Variants in TMEM9B observed in about 807,000 individuals in gnomAD.
TMEM9B encodes the protein transmembrane protein 9B.
Under a neutral mutation model 23.5 loss-of-function variants are expected in TMEM9B, and 8 were observed. The ratio of observed to expected loss-of-function variants is 0.34; its 90% confidence interval spans 0.20 to 0.61. TMEM9B has a LOEUF of 0.61. TMEM9B is among the 20% of genes least tolerant of loss of function. The pLI is 0.78. For missense variants in TMEM9B, 197 were observed against 252.3 expected (o/e 0.78, Z 1.49); for synonymous variants, 106 against 96.3 (o/e 1.10, Z -0.59).
chr11:8,952,903 C>A (rs1311164383), intron 4 of TMEM9B: 1 of 559,538 alleles, frequency 1.8e-6, no homozygotes, highest in Non-Finnish European at 3.2e-6. Flanking sequence ...AGAAAACCAT[C>A]TCTGATACTT....
At chr11:8,952,792 A>G in intron 4 of TMEM9B, 1 of 312,438 alleles carries the variant, frequency 3.2e-6, no homozygotes, top group East Asian at 5.9e-5. Context: ...TTAAGAAAAG[A>G]ACATCATGAT....
intron 1 of TMEM9B, chr11:8,963,926 G>A: frequency 4.2e-6 from 2 of 474,622 alleles, no homozygotes; most frequent in Non-Finnish European, 7.5e-6. Context: ...GGGCTGGGAA[G>A]GGAAATGTTA....
intron 1 of TMEM9B, 154 bp downstream of exon 1, chr11:8,964,055 G>A (rs1854135463): frequency 1.4e-6 from 1 of 734,394 alleles, no homozygotes; most frequent in Non-Finnish European, 2.1e-6. Context: ...AGTCGGGAGG[G>A]GCGGGGCTGG....
chr11:8,962,428 A>T (rs1854097366), intron 1 of TMEM9B, among the ~76,000 whole-genome samples: 1 of 152,218 alleles, frequency 6.6e-6, no homozygotes, highest in Non-Finnish European at 1.5e-5. Context: ...AAGACTTATT[A>T]ACCATATTTA....
At chr11:8,952,249 TACACACACACACACACACAC>T (rs142506777) in intron 4 of TMEM9B, among the ~76,000 whole-genome samples, 1 of 122,648 alleles carries the variant, frequency 8.2e-6, no homozygotes, top group Admixed American at 8.2e-5. Flanking sequence ...GCCAACTATA[TACACACACACACACACACAC>T]ACACACACAC....
Position 8,964,280 on chromosome 11 carries a change from C to A in TMEM9B, c.34G>T (p.Gly12Cys), listed in dbSNP as rs987818311. The change falls in exon 1 of 5, where the codon GGC (glycine) becomes TGC (cysteine). Residue 12 changes from glycine (G) to cysteine (C), a missense_variant. Around this residue, in one of 2 missense-constraint regions of TMEM9B, gnomAD observed 56 missense variants for 38.2 expected, o/e 1.46. Transcript: ENST00000534025. ...ATLWGGLLRL[G>C]SLLSLSCLAL... is the part of the protein sequence containing the mutation. ...AGGCACGACAGGCTGAGCAAGGAGC[C>A]AAGCCGAAGAAGGCCTCCCCACAGG... The A allele has an allele frequency of 6.3e-7, 1 of 1,593,672 alleles. No homozygotes were observed. Among genetic ancestry groups the A allele is most frequent in the East Asian group, 2.3e-5 (1 of 43,872 alleles).
At chr11:8,948,522 A>G (rs1292603208) in intron 4 of TMEM9B, 47 bp from the exon 5 acceptor site, 1 of 1,592,868 alleles carries the variant, frequency 6.3e-7, no homozygotes, top group African/African-American at 1.3e-5. Context: ...CAGTCAGTGT[A>G]AAACATAGAC....
upstream of TMEM9B, chr11:8,964,679 G>T (rs944843903): frequency 4.3e-5 from 10 of 232,684 alleles, no homozygotes; most frequent in Admixed American, 1.2e-4. Context: ...TCGCCATTGC[G>T]CTGGAAAGTC....
At chr11:8,953,149 A>G in intron 4 of TMEM9B, 54 bp downstream of exon 4, 2 of 1,612,346 alleles carry the variant, frequency 1.2e-6, no homozygotes, top group Non-Finnish European at 1.7e-6. Context: ...TGCACTTCAC[A>G]TCGAATGATG....
chr11:8,962,612 A>G (rs1172152283), intron 1 of TMEM9B: 1 of 163,026 alleles, frequency 6.1e-6, no homozygotes, highest in African/African-American at 2.4e-5. Flanking sequence ...TCATCCTTTC[A>G]CCCTCTGGTA....
intron 2 of TMEM9B, among the ~76,000 whole-genome samples, chr11:8,958,574 C>CT (rs111765985): frequency 6.9e-4 from 94 of 136,728 alleles, no homozygotes; most frequent in African/African-American, 9.3e-4. Context: ...TTAGGTTATT[C>CT]TTTTTTTTTT....
At chr11:8,958,010 T>G (rs963119417) in intron 2 of TMEM9B, among the ~76,000 whole-genome samples, 1 of 151,094 alleles carries the variant, frequency 6.6e-6, no homozygotes, top group Admixed American at 6.6e-5. Context: ...TACAAAAAAA[T>G]TAGCCAGGCA....
chr11:8,962,343 G>A (rs976719871), intron 1 of TMEM9B, among the ~76,000 whole-genome samples, 160 bp from the exon 2 acceptor site: 3 of 152,092 alleles, frequency 2.0e-5, no homozygotes, highest in Non-Finnish European at 4.4e-5. Context: ...AAAAGCCACA[G>A]TCCTTTATGG....
chr11:8,954,796 T>C (rs1032321714), intron 3 of TMEM9B, among the ~76,000 whole-genome samples: 3 of 152,230 alleles, frequency 2.0e-5, no homozygotes, highest in Admixed American at 6.5e-5. Context: ...GTGACTATTA[T>C]AACTAACCAC....
chr11:8,952,281 C>CTATATATA (rs58750330), intron 4 of TMEM9B, among the ~76,000 whole-genome samples: 7 of 147,454 alleles, frequency 4.7e-5, no homozygotes, highest in Admixed American at 6.7e-5. Flanking sequence ...CACACACACG[C>CTATATATA]TATATATATA....
upstream of TMEM9B, chr11:8,964,475 A>C (rs1854161225): frequency 6.3e-6 from 9 of 1,420,418 alleles, no homozygotes; most frequent in Non-Finnish European, 6.4e-6. Flanking sequence ...GCGCCGGGTC[A>C]GATGCAAAAA....
intron 1 of TMEM9B, among the ~76,000 whole-genome samples, chr11:8,963,511 G>A (rs1854117647): frequency 6.6e-6 from 1 of 152,162 alleles, no homozygotes; most frequent in Non-Finnish European, 1.5e-5. Flanking sequence ...TCAAGAAATC[G>A]AACCAGGGAG....
In TMEM9B at chr11:8,949,872, G is replaced by A. The variant is rs147729496; in HGVS notation, c.442-1397C>T. 9.0e-3 allele frequency among the ~76,000 whole-genome samples: 1,316 copies of A among 146,852 alleles called. 59 individuals are homozygous for A. In the South Asian group the frequency reaches 0.15, roughly 16 times the overall value. ...AGATGGGGTCTCACTATATTGCCCA[G>A]ACTGGCCATGAACTTAATTTTTTTT... On this transcript the variant is annotated intron_variant, in intron 4 of 4. Coordinates refer to ENST00000534025, the MANE Select transcript of TMEM9B (RefSeq NM_020644.3).
intron 3 of TMEM9B, among the ~76,000 whole-genome samples, chr11:8,953,827 G>C (rs1305259458): frequency 6.6e-6 from 1 of 152,196 alleles, no homozygotes; most frequent in Non-Finnish European, 1.5e-5. Flanking sequence ...CATACGCTGT[G>C]GTGGGAATGT....
Sources: allele counts gnomAD v4.1 joint callset (sites outside exome capture counted in the v4.1 genomes callset), GRCh38; gene constraint gnomAD v4.1.1; regional missense constraint gnomAD v4.1.1; transcripts MANE v1.5; gene names NCBI Gene and HGNC (gene_info 2026-07-23, HGNC 2026-07-21).